FGGY: variants seen among roughly 807,000 people sequenced by gnomAD.
FGGY encodes FGGY carbohydrate kinase domain containing.
In FGGY, 72 loss-of-function variants were observed where a neutral mutation model predicts 71.3. The ratio of observed to expected loss-of-function variants is 1.01; its 90% CI spans 0.84 to 1.23. The LOEUF (loss-of-function observed/expected upper bound fraction) is 1.23, where lower values mean the gene tolerates loss of function less well. Ranked by LOEUF, FGGY falls within the 50% of genes most tolerant of loss-of-function variation. The pLI, the probability that FGGY is intolerant of heterozygous loss-of-function variation, is 0.00. For synonymous variants in FGGY, 251 were observed against 250.3 expected (o/e 1.00, Z -0.02); for missense variants, 668 against 682.3 (o/e 0.98, Z 0.23).
chr1:59,578,954 C>T (rs1304201060), intron 8 of FGGY, among the ~76,000 whole-genome samples: 1 of 152,116 alleles, frequency 6.6e-6, no homozygotes, highest in Non-Finnish European at 1.5e-5. Context: ...TCCTGTTCCC[C>T]CATTTATTGT....
chr1:59,441,507 T>C (rs998547867), intron 5 of FGGY, among the ~76,000 whole-genome samples: 3 of 152,190 alleles, frequency 2.0e-5, no homozygotes, highest in African/African-American at 7.2e-5. Context: ...TGTCTTAAAG[T>C]GGGTTTTCAT....
rs577414038 is a variant in FGGY, at chr1:59,418,493, A to G, written c.555-38468A>G. On this transcript the variant is annotated intron_variant, in intron 5 of 15. Coordinates refer to ENST00000303721, the MANE Select transcript of FGGY (RefSeq NM_018291.5). ...AGAGTGAGCAGGAAGGGAAGGAGGA[A>G]AGAAAAAAAAAAGTTTGAGGGGCAT... is the stretch of plus-strand genomic sequence containing the variant. 2.0e-5 allele frequency among the ~76,000 whole-genome samples: 3 copies of G among 151,858 alleles called. No individual in the cohort carries two copies. In the South Asian group the frequency reaches 6.3e-4, roughly 32 times the overall value.
chr1:59,399,070 T>C (rs981983550), intron 5 of FGGY, among the ~76,000 whole-genome samples: 1 of 152,190 alleles, frequency 6.6e-6, no homozygotes, highest in Admixed American at 6.5e-5. Flanking sequence ...AGATTTACAA[T>C]TGGGCCTCTT....
At chr1:59,698,809 T>G in intron 14 of FGGY, 1 of 985,434 alleles carries the variant, frequency 1.0e-6, no homozygotes, top group South Asian at 4.7e-5. Flanking sequence ...GTGCGTGTAC[T>G]TAATTTTTAA....
intron 11 of FGGY, among the ~76,000 whole-genome samples, chr1:59,652,649 T>G (rs1027535879): frequency 2.8e-5 from 4 of 144,488 alleles, no homozygotes; most frequent in Non-Finnish European, 6.0e-5. Flanking sequence ...TAGTTATACA[T>G]TCTTCTAAAT....
At chr1:59,727,083 A>G (rs761037506) in intron 14 of FGGY, among the ~76,000 whole-genome samples, 3 of 151,896 alleles carry the variant, frequency 2.0e-5, no homozygotes, top group Non-Finnish European at 4.4e-5. Context: ...TCTTGTTCCC[A>G]TGTTTATGTC....
intron 1 of FGGY, among the ~76,000 whole-genome samples, chr1:59,303,583 A>C (rs1198295466): frequency 6.6e-6 from 1 of 152,140 alleles, no homozygotes; most frequent in Non-Finnish European, 1.5e-5. Context: ...CTATTACACC[A>C]AGTAGTGATT....
At chr1:59,399,322 T>C (rs1363312541) in intron 5 of FGGY, among the ~76,000 whole-genome samples, 2 of 152,216 alleles carry the variant, frequency 1.3e-5, no homozygotes, top group African/African-American at 2.4e-5. Context: ...ATGCTATTTA[T>C]TGAATAATAC....
At chr1:59,635,911 G>C (rs187022979) in intron 10 of FGGY, among the ~76,000 whole-genome samples, 4 of 152,170 alleles carry the variant, frequency 2.6e-5, no homozygotes, top group Admixed American at 1.3e-4. Flanking sequence ...ACAAGGAGAA[G>C]GGTTTAAAGC....
intron 6 of FGGY, among the ~76,000 whole-genome samples, chr1:59,507,222 A>G (rs1326928093): frequency 6.6e-6 from 1 of 152,206 alleles, no homozygotes; most frequent in Non-Finnish European, 1.5e-5. Flanking sequence ...GAGTTTGAAC[A>G]GTTGGCCGCC....
chr1:59,758,095 G>T, intron 15 of FGGY, 103 bp downstream of exon 15: 1 of 745,540 alleles, frequency 1.3e-6, no homozygotes, highest in South Asian at 2.3e-5. Flanking sequence ...AACTAATCCA[G>T]TCCTTTAATT....
chr1:59,637,481 A>G (rs1327642950), intron 10 of FGGY, among the ~76,000 whole-genome samples: 1 of 152,082 alleles, frequency 6.6e-6, no homozygotes, highest in Admixed American at 6.6e-5. Context: ...AAAAATACAA[A>G]AATTAGCTGG....
At chr1:59,608,001 A>G in intron 9 of FGGY, 91 bp downstream of exon 9, 1 of 1,006,530 alleles carries the variant, frequency 9.9e-7, no homozygotes, top group Non-Finnish European at 1.5e-6. Context: ...CAATATCTGG[A>G]GGATTTGCAG....
chr1:59,372,758 C>T (rs143019050), intron 4 of FGGY, among the ~76,000 whole-genome samples: 2,171 of 152,192 alleles, frequency 0.014, 18 homozygotes, highest in Middle Eastern at 0.037. Flanking sequence ...GTCCAATATA[C>T]GCAAATCAAT....
chr1:59,535,338 C>T (rs927886926), intron 7 of FGGY, among the ~76,000 whole-genome samples: 135 of 152,228 alleles, frequency 8.9e-4, no homozygotes, highest in Non-Finnish European at 1.6e-3. Context: ...AAAGCAAGTC[C>T]TGAGTGACCT....
At chr1:59,719,295 C>G (rs1156653787) in intron 14 of FGGY, among the ~76,000 whole-genome samples, 3 of 152,110 alleles carry the variant, frequency 2.0e-5, no homozygotes, top group African/African-American at 7.2e-5. Flanking sequence ...GCACAGGATG[C>G]TACAGCAGTT....
intron 1 of FGGY, among the ~76,000 whole-genome samples, chr1:59,312,207 G>A (rs574438631): frequency 7.2e-5 from 11 of 152,244 alleles, no homozygotes; most frequent in Admixed American, 5.9e-4. Flanking sequence ...TAAGTTGCCT[G>A]TTCACTCTGC....
chr1:59,643,707 GACATA>G (rs774195439), intron 11 of FGGY, among the ~76,000 whole-genome samples: 20 of 152,290 alleles, frequency 1.3e-4, no homozygotes, highest in African/African-American at 2.6e-4. Flanking sequence ...GCTGTCATAA[GACATA>G]ACATATGTTT....
chr1:59,482,818 A>G (rs1018303954), intron 6 of FGGY, among the ~76,000 whole-genome samples: 5 of 152,214 alleles, frequency 3.3e-5, no homozygotes, highest in South Asian at 4.1e-4. Context: ...AAAATTATCT[A>G]GTTATTACAA....
Sources: allele counts gnomAD v4.1 joint callset (sites outside exome capture counted in the v4.1 genomes callset), GRCh38; gene constraint gnomAD v4.1.1; transcripts MANE v1.5; gene names NCBI Gene and HGNC (gene_info 2026-07-23, HGNC 2026-07-21).